Variants in WDPCP observed in about 807,000 individuals in gnomAD.
WDPCP encodes WD repeat containing planar cell polarity effector, also known as WD repeat-containing and planar cell polarity effector protein fritz homolog.
Under a neutral mutation model 93.1 loss-of-function variants are expected in WDPCP, and 71 were observed. The ratio of observed to expected loss-of-function variants is 0.76; its 90% CI spans 0.63 to 0.93. WDPCP has a LOEUF of 0.93. Among genes scored for constraint, WDPCP ranks in the 40% least tolerant of loss-of-function variants. The pLI is 0.00. For synonymous variants in WDPCP, 315 were observed against 315.0 expected (o/e 1.00, Z 0.00); for missense variants, 844 against 887.4 (o/e 0.95, Z 0.62).
intron 14 of WDPCP, among the ~76,000 whole-genome samples, chr2:63,205,341 A>AT (rs935341070): frequency 5.9e-5 from 9 of 151,474 alleles, no homozygotes; most frequent in South Asian, 2.1e-4. Context: ...AAATTTTAGG[A>AT]TTTTTTTTCT....
intron 17 of WDPCP, among the ~76,000 whole-genome samples, chr2:63,137,064 G>A (rs922937086): frequency 1.3e-5 from 2 of 152,134 alleles, no homozygotes; most frequent in Admixed American, 1.3e-4. Context: ...ATTTCTTTGA[G>A]TGTATACTCA....
At chr2:63,516,012 T>G (rs1702529360) in intron 1 of WDPCP, among the ~76,000 whole-genome samples, 1 of 137,952 alleles carries the variant, frequency 7.2e-6, no homozygotes, top group East Asian at 2.8e-4. Flanking sequence ...ACAGCCAGAC[T>G]CCATTTCAAA....
At position 63,238,882 on chromosome 2, in the gene WDPCP, C is replaced by T. The variant is rs374993924; in HGVS notation, c.1915+20425G>A. Among the ~76,000 whole-genome samples the T allele has an allele frequency of 1.4e-4, 21 of 152,244 alleles. No individual in the cohort carries two copies. The East Asian group carries it at 1.5e-3, about 11-fold the overall frequency. ...TGATTAACAACTAGCTCTCCACAAA[C>T]CAAACCAGAACCCAAACCAAAAAAC... On this transcript the variant is annotated intron_variant, in intron 14 of 17. Transcript: ENST00000272321.
chr2:63,722,558 TGGG>T (rs561385087), intron 2 of WDPCP, among the ~76,000 whole-genome samples: 3 of 49,974 alleles, frequency 6.0e-5, no homozygotes, highest in Non-Finnish European at 4.4e-5. Context: ...GGGAGGGAGG[TGGG>T]GGGGGGTCAG....
intron 13 of WDPCP, among the ~76,000 whole-genome samples, chr2:63,279,262 G>A (rs1416735239): frequency 6.6e-6 from 1 of 152,102 alleles, no homozygotes; most frequent in Non-Finnish European, 1.5e-5. Flanking sequence ...GAATCCAACA[G>A]CCTATCAAAA....
intron 17 of WDPCP, among the ~76,000 whole-genome samples, chr2:63,141,084 CTT>C (rs775802578): frequency 2.1e-5 from 3 of 144,758 alleles, no homozygotes; most frequent in Admixed American, 6.9e-5. Context: ...GTGATTTTTA[CTT>C]TTTTTTTTTT....
intron 2 of WDPCP, among the ~76,000 whole-genome samples, chr2:63,806,962 A>G (rs957905068): frequency 6.6e-6 from 1 of 152,190 alleles, no homozygotes; most frequent in Non-Finnish European, 1.5e-5. Context: ...GAGGCAATAT[A>G]CATCCTCCTC....
chr2:63,670,128 T>C (rs184470650), intron 2 of WDPCP, among the ~76,000 whole-genome samples: 5 of 152,278 alleles, frequency 3.3e-5, no homozygotes, highest in South Asian at 2.1e-4. Flanking sequence ...ATCTGTAACG[T>C]TGATAAAATG....
At chr2:63,768,338 CCT>C (rs1491486400) in intron 2 of WDPCP, among the ~76,000 whole-genome samples, 16 of 146,844 alleles carry the variant, frequency 1.1e-4, no homozygotes, top group African/African-American at 4.0e-4. Flanking sequence ...CATTTTTGTT[CCT>C]TTTTTTTTTT....
At chr2:63,464,014 A>ACAT (rs1313870219) in intron 6 of WDPCP, among the ~76,000 whole-genome samples, 1 of 152,174 alleles carries the variant, frequency 6.6e-6, no homozygotes, top group Non-Finnish European at 1.5e-5. Flanking sequence ...GCAAAAACAA[A>ACAT]CAAATGGGAC....
intron 2 of WDPCP, among the ~76,000 whole-genome samples, chr2:63,808,881 C>A (rs1670814416): frequency 6.6e-6 from 1 of 151,836 alleles, no homozygotes; most frequent in Non-Finnish European, 1.5e-5. Context: ...GGCCGCCATC[C>A]CATCTAGGAA....
At chr2:63,567,722 A>T (rs1489937707) in intron 1 of WDPCP, among the ~76,000 whole-genome samples, 5 of 152,098 alleles carry the variant, frequency 3.3e-5, no homozygotes, top group Non-Finnish European at 2.9e-5. Context: ...CACTAATAAC[A>T]GTTTGAAATT....
At chr2:63,431,554 G>GAAA (rs140153126) in intron 9 of WDPCP, among the ~76,000 whole-genome samples, 1 of 137,002 alleles carries the variant, frequency 7.3e-6, no homozygotes, top group African/African-American at 2.7e-5. Flanking sequence ...GGCTGCTACT[G>GAAA]AAAAAAAAAA....
intron 3 of WDPCP, among the ~76,000 whole-genome samples, chr2:63,620,193 G>T (rs762659197): frequency 2.6e-5 from 4 of 152,140 alleles, no homozygotes; most frequent in African/African-American, 4.8e-5. Flanking sequence ...CCCCTGGAAA[G>T]GGGGCTAAAG....
chr2:63,219,771 C>T (rs556588552), intron 14 of WDPCP, among the ~76,000 whole-genome samples: 16 of 152,156 alleles, frequency 1.1e-4, no homozygotes, highest in East Asian at 7.8e-4. Context: ...GAGGCTGAGG[C>T]GGGCAGATCA....
chr2:63,717,279 G>A (rs751688230), intron 2 of WDPCP: 2 of 542,798 alleles, frequency 3.7e-6, no homozygotes, highest in Non-Finnish European at 7.3e-6. Context: ...AGACCTTCAG[G>A]CAGCAACATG....
chr2:63,243,114 C>T (rs138408780), intron 14 of WDPCP, among the ~76,000 whole-genome samples: 2 of 152,286 alleles, frequency 1.3e-5, no homozygotes, highest in East Asian at 3.9e-4. Context: ...GTACTGTAGA[C>T]ATATGTCAAT....
chr2:63,401,744 G>C (rs1694167740), intron 10 of WDPCP, among the ~76,000 whole-genome samples: 1 of 152,184 alleles, frequency 6.6e-6, no homozygotes, highest in Admixed American at 6.5e-5. Context: ...GGTGGAGGTT[G>C]CCGTGAGCTG....
At chr2:63,336,805 T>TTA (rs1363030936) in intron 12 of WDPCP, among the ~76,000 whole-genome samples, 3 of 151,710 alleles carry the variant, frequency 2.0e-5, no homozygotes, top group Non-Finnish European at 4.4e-5. Context: ...ATAAATATAT[T>TTA]TATATATATA....
Sources: allele counts gnomAD v4.1 joint callset (sites outside exome capture counted in the v4.1 genomes callset), GRCh38; gene constraint gnomAD v4.1.1; transcripts MANE v1.5; gene names NCBI Gene and HGNC (gene_info 2026-07-23, HGNC 2026-07-21).